MIR2052HG: variants seen among roughly 807,000 people sequenced by gnomAD.
The protein encoded by MIR2052HG is MIR2052 host gene.
At chr8:74,724,439 A>T (rs1281878675) in intron 4 of MIR2052HG, among the ~76,000 whole-genome samples, 4 of 152,154 alleles carry the variant, frequency 2.6e-5, no homozygotes, top group African/African-American at 9.7e-5. Context: ...CATACACAGA[A>T]ATCTGAATTA....
intron 4 of MIR2052HG, among the ~76,000 whole-genome samples, chr8:74,719,495 C>A (rs1261584566): frequency 6.6e-6 from 1 of 152,136 alleles, no homozygotes; most frequent in Non-Finnish European, 1.5e-5. Context: ...CATTACAATT[C>A]CCATAAAAGC....
chr8:74,737,666 C>T (rs535385972), intron 4 of MIR2052HG, among the ~76,000 whole-genome samples: 3 of 152,288 alleles, frequency 2.0e-5, no homozygotes, highest in African/African-American at 7.2e-5. Flanking sequence ...TCTAATCCTT[C>T]GTTCCCTTGG....
chr8:74,603,271 G>T (rs1308224417), intron 1 of MIR2052HG: 5 of 1,524,832 alleles, frequency 3.3e-6, no homozygotes, highest in Non-Finnish European at 3.6e-6. Context: ...AGGGATTGTG[G>T]ATAAATCTGC....
chr8:74,601,973 A>G (rs77427796), intron 1 of MIR2052HG, among the ~76,000 whole-genome samples: 10 of 152,364 alleles, frequency 6.6e-5, no homozygotes, highest in Non-Finnish European at 1.5e-4. Flanking sequence ...AATTTTAATT[A>G]GTTTTCACAC....
chr8:74,712,048 C>T (rs1809473668), intron 4 of MIR2052HG, among the ~76,000 whole-genome samples: 1 of 152,158 alleles, frequency 6.6e-6, no homozygotes, highest in African/African-American at 2.4e-5. Context: ...TAAGGTTATA[C>T]TCTGCAACCA....
intron 2 of MIR2052HG, among the ~76,000 whole-genome samples, chr8:74,675,502 A>G (rs1563529235): frequency 6.6e-6 from 1 of 152,062 alleles, no homozygotes; most frequent in African/African-American, 2.4e-5. Context: ...TTTAGTATCT[A>G]TAGGGAGTGG....
chr8:74,699,365 G>T (rs560959418), intron 2 of MIR2052HG, among the ~76,000 whole-genome samples: 1 of 151,726 alleles, frequency 6.6e-6, no homozygotes, highest in South Asian at 2.1e-4. Context: ...TCCCAAATGC[G>T]ATCAATGAGT....
intron 2 of MIR2052HG, among the ~76,000 whole-genome samples, chr8:74,626,819 T>A (rs921413587): frequency 6.6e-6 from 1 of 152,230 alleles, no homozygotes; most frequent in Admixed American, 6.5e-5. Context: ...CCCAGTACGT[T>A]GTCTACACTG....
intron 1 of MIR2052HG, chr8:74,603,267 T>G: frequency 1.3e-6 from 2 of 1,506,106 alleles, no homozygotes; most frequent in South Asian, 1.1e-5. Flanking sequence ...AGAAAGGGAT[T>G]GTGGATAAAT....
rs1301078981 is a variant in MIR2052HG, at chr8:74,625,874, A to G, written n.216+12934A>G. Among the ~76,000 whole-genome samples, 4 of 152,300 alleles carry G rather than the reference A, an allele frequency of 2.6e-5. No homozygotes were observed. The South Asian group carries it at 6.2e-4, about 24-fold the overall frequency. ...AAGTTGATAAAATTTTTGAACAATA[A>G]TCTGTAATTATTATGCATACATTAT... On this transcript the variant is annotated intron_variant and non_coding_transcript_variant, in intron 2 of 6. Transcript: ENST00000523442.
chr8:74,725,854 G>C (rs184693934), intron 4 of MIR2052HG, among the ~76,000 whole-genome samples: 1 of 152,002 alleles, frequency 6.6e-6, no homozygotes, highest in Non-Finnish European at 1.5e-5. Flanking sequence ...AGTATTACTC[G>C]CTGTTATCAT....
At position 74,714,698 on chromosome 8, in the gene MIR2052HG, CTT is replaced by C. The variant is rs10715580; in HGVS notation, n.371+11034_371+11035del. Among the ~76,000 whole-genome samples, 947 of 124,414 alleles carry C rather than the reference CTT, an allele frequency of 7.6e-3. 1 individual carries two copies. Among genetic ancestry groups the C allele is most frequent in the African/African-American group, 0.022 (754 of 33,582 alleles). The allele number at this position is 124,414 out of a possible 152,430, so 81.6% of individuals were successfully genotyped here. A position where few individuals can be genotyped will look rare whatever the true frequency, so the allele number is the denominator to read the frequency against. On this transcript the variant is annotated intron_variant and non_coding_transcript_variant, in intron 4 of 6. Coordinates refer to ENST00000523442, the Ensembl canonical transcript of MIR2052HG. ...TCTTTGGGAGACCTCCTTTTTCCTT[CTT>C]TTTTTTTTTTTTTTTTTGTTTTTTT...
chr8:74,613,362 C>T (rs966817125), intron 2 of MIR2052HG, among the ~76,000 whole-genome samples: 11 of 152,102 alleles, frequency 7.2e-5, no homozygotes, highest in Non-Finnish European at 1.5e-4. Context: ...ACAGCTATAC[C>T]ATTTGCAAAG....
chr8:74,632,825 C>T (rs1416372423), intron 2 of MIR2052HG, among the ~76,000 whole-genome samples: 1 of 152,056 alleles, frequency 6.6e-6, no homozygotes, highest in Non-Finnish European at 1.5e-5. Flanking sequence ...GCATAATCAG[C>T]TCGTGTTGAT....
chr8:74,705,978 A>G (rs1271573428), intron 4 of MIR2052HG, among the ~76,000 whole-genome samples: 1 of 152,152 alleles, frequency 6.6e-6, no homozygotes, highest in Admixed American at 6.6e-5. Context: ...ATAAAATTCT[A>G]AAAGACGACA....
chr8:74,717,209 A>G (rs979201031), intron 4 of MIR2052HG, among the ~76,000 whole-genome samples: 1 of 149,760 alleles, frequency 6.7e-6, no homozygotes, highest in African/African-American at 2.5e-5. Flanking sequence ...CCCTGTGTCC[A>G]TGTGTTCTTA....
At chr8:74,724,864 T>C (rs1172279952) in intron 4 of MIR2052HG, among the ~76,000 whole-genome samples, 4 of 152,182 alleles carry the variant, frequency 2.6e-5, no homozygotes, top group African/African-American at 7.2e-5. Flanking sequence ...CTTTTTTTTT[T>C]CTCCAACTTT....
rs547222252 is a variant in MIR2052HG at position 74,704,732 on chromosome 8, A to G, written n.371+1050A>G. 6.9e-4 allele frequency among the ~76,000 whole-genome samples: 105 copies of G among 152,156 alleles called. 1 individual carries two copies. The highest frequency in any genetic ancestry group is 2.3e-3 in the African/African-American group (96 of 41,530). ...AAAACTTGGTTGAAATGTTTCATCT[A>G]CTGAGATCTCCCAAATGGTTTATCT... On this transcript the variant is annotated intron_variant and non_coding_transcript_variant, in intron 4 of 6. Transcript: ENST00000523442.
At chr8:74,624,087 C>T (rs1808403249) in intron 2 of MIR2052HG, among the ~76,000 whole-genome samples, 1 of 152,096 alleles carries the variant, frequency 6.6e-6, no homozygotes. Context: ...TTAGTTTTAC[C>T]AAGAGAACTA....
Sources: gnomAD v4.1 joint callset for allele counts (sites outside exome capture counted in the v4.1 genomes callset) on GRCh38, gnomAD v4.1.1 for gene constraint, MANE v1.5 for transcripts, NCBI Gene and HGNC (gene_info 2026-07-23, HGNC 2026-07-21) for gene names.